The following JUP variants were observed in gnomAD, a reference collection of about 807,000 sequenced individuals.
JUP encodes catenin (cadherin-associated protein), gamma 80kDa.
Under a neutral mutation model 71.1 loss-of-function variants are expected in JUP, and 28 were observed. The observed-to-expected ratio is 0.39, with a 90% CI of 0.29 to 0.54. The LOEUF is 0.54. Ranked by LOEUF, JUP falls within the 20% of genes least tolerant of loss-of-function variation. The pLI is 0.62. For missense variants in JUP, 869 were observed against 1,030.1 expected (o/e 0.84, Z 2.14); for synonymous variants, 401 against 438.9 (o/e 0.91, Z 1.08).
intron 1 of JUP, among the ~76,000 whole-genome samples, chr17:41,773,287 C>T (rs190011348): frequency 2.6e-5 from 4 of 152,334 alleles, no homozygotes; most frequent in Admixed American, 2.6e-4. Context: ...TAAGTCTTCC[C>T]TGTGACTGCC....
In JUP at chr17:41,767,481, C is replaced by A. The variant is rs781992518; in HGVS notation, c.807G>T (p.Gly269=). ...GAKMAVRLAD[G]LQKMVPLLNK... ...TGAGCAGGGGCACCATCTTTTGCAG[C>A]CCGTCGGCCAGGCGCACGGCCATCT... The change falls in exon 5 of 14, where the codon GGG becomes GGT. Residue 269 remains glycine (G), a synonymous_variant. Coordinates refer to ENST00000393931, the MANE Select transcript of JUP (RefSeq NM_002230.4). 1.1e-5 allele frequency: 17 copies of A among 1,613,958 alleles called. No individual in the cohort carries two copies. The highest frequency in any genetic ancestry group is 1.4e-5 in the Non-Finnish European group (16 of 1,180,032).
intron 12 of JUP, among the ~76,000 whole-genome samples, chr17:41,757,055 C>G (rs1913932431): frequency 6.6e-6 from 1 of 152,192 alleles, no homozygotes; most frequent in African/African-American, 2.4e-5. Flanking sequence ...ACTCATGAAG[C>G]AGGGACTCCT....
chr17:41,755,192 G>T lies in JUP; in HGVS notation c.*552C>A. 1 of 398,276 alleles carries T rather than the reference G, an allele frequency of 2.5e-6. No individual in the cohort carries two copies. The highest frequency in any genetic ancestry group is 1.4e-4 in the South Asian group (1 of 7,334). The allele number at this position is 398,276 out of a possible 1,614,324, so 24.7% of individuals were successfully genotyped here. A position where few individuals can be genotyped will look rare whatever the true frequency, so the allele number is the denominator to read the frequency against. On this transcript the variant is annotated 3_prime_UTR_variant, in exon 14 of 14. Coordinates refer to ENST00000393931, the MANE Select transcript of JUP (RefSeq NM_002230.4). ...GGGCGTTGCTGGGGGAAAACAGAATGGGTACTTGAGTCTGAAGCTTTAGTG... is the reference window on the plus strand; with the variant it reads ...GGGCGTTGCTGGGGGAAAACAGAATTGGTACTTGAGTCTGAAGCTTTAGTG...
chr17:41,767,406 G>A lies in JUP; in HGVS notation c.882C>T (p.Leu294=). 6.2e-7 allele frequency: 1 copy of A among 1,614,168 alleles called. No individual in the cohort carries two copies. The highest frequency in any genetic ancestry group is 2.2e-5 in the East Asian group (1 of 44,880). ...TGCTCTCCTGGTTGCCGTAGGCCAG[G>A]AGCTGCAGGCAGTCGGTGGTGATGG... is the stretch of plus-strand genomic sequence containing the variant. ...FLAITTDCLQ[L]LAYGNQESKL... The change falls in exon 5 of 14, where the codon CTC becomes CTT. Residue 294 remains leucine (L), a synonymous_variant. Coordinates refer to ENST00000393931, the MANE Select transcript of JUP (RefSeq NM_002230.4).
chr17:41,758,861 C>A lies in JUP; in HGVS notation c.1507G>T (p.Gly503Cys). ...NQWPLVKATI[G>C]LIRNLALCPA... ...CACAGGGCCAGATTCCTGATCAAGC[C>A]GATGGTTGCCTGGCAAAAAAAGGGG... Residue 503 changes from glycine to cysteine, a missense_variant, in exon 9 of 14, where the codon GGC becomes TGC. Coordinates refer to ENST00000393931, the MANE Select transcript of JUP (RefSeq NM_002230.4). 6.2e-7 allele frequency: 1 copy of A among 1,606,484 alleles called. No homozygotes were observed. The highest frequency in any genetic ancestry group is 8.5e-7 in the Non-Finnish European group (1 of 1,174,562).
At chr17:41,763,355 A>G in intron 7 of JUP, 34 bp from the exon 8 acceptor site, 1 of 1,520,174 alleles carries the variant, frequency 6.6e-7, no homozygotes, top group Non-Finnish European at 9.1e-7. Flanking sequence ...GGAGTCAGGG[A>G]GCAGCCAACT....
At chr17:41,773,183 C>T (rs138595059) in intron 1 of JUP, among the ~76,000 whole-genome samples, 1 of 152,332 alleles carries the variant, frequency 6.6e-6, no homozygotes, top group East Asian at 1.9e-4. Flanking sequence ...TGAAGCCAGG[C>T]AGCACCCGGG....
intron 1 of JUP, chr17:41,772,320 C>T (rs1168938997): frequency 7.0e-6 from 2 of 286,480 alleles, no homozygotes; most frequent in African/African-American, 2.2e-5. Flanking sequence ...GGAGGAGGCA[C>T]CCAAGCCATT....
intron 1 of JUP, chr17:41,772,888 G>T: frequency 1.0e-6 from 1 of 985,530 alleles, no homozygotes; most frequent in Non-Finnish European, 1.2e-6. Flanking sequence ...TCTGTGTTTG[G>T]CTCCACTGTC....
At position 41,757,800 on chromosome 17, in the gene JUP, G is replaced by A. The variant is rs371727352; in HGVS notation, c.1774-16C>T. Reference sequence around the variant, plus strand: ...AGTACAGGAGCTGGGGAGAGGGGACGTGGGAAGCAGGGGAGAGGTGGAAAG... The same window carrying A: ...AGTACAGGAGCTGGGGAGAGGGGACATGGGAAGCAGGGGAGAGGTGGAAAG... On this transcript the variant is annotated splice_polypyrimidine_tract_variant and intron_variant, in intron 10 of 13. Coordinates refer to ENST00000393931, the MANE Select transcript of JUP (RefSeq NM_002230.4). 84 of 1,598,950 alleles carry A rather than the reference G, an allele frequency of 5.3e-5. No individual in the cohort carries two copies. The highest frequency in any genetic ancestry group is 1.8e-4 in the Middle Eastern group (1 of 5,408).
intron 1 of JUP, chr17:41,773,007 C>T (rs1196832530): frequency 7.1e-6 from 7 of 985,324 alleles, no homozygotes; most frequent in African/African-American, 7.0e-5. Context: ...TGCTCATGGG[C>T]GGGTTTCAAA....
Position 41,778,554 on chromosome 17 carries a change from C to T in JUP, c.-8-6692G>A, listed in dbSNP as rs2046994718. On this transcript the variant is annotated intron_variant, in intron 1 of 13. Transcript: ENST00000393931. The stretch of plus-strand genomic sequence containing the variant: ...CAGCCTGGGCAACACAGTGAGACCC[C>T]ATCTCAAAAAAAAAAAATGTTACTA... Among the ~76,000 whole-genome samples the T allele has an allele frequency of 2.9e-5, 3 of 103,314 alleles. No individual in the cohort carries two copies. In the South Asian group the frequency reaches 9.9e-4, roughly 34 times the overall value. 67.8% of individuals were successfully genotyped at this position (103,314 alleles called of 152,430 possible).
rs543415508 is a variant in JUP at position 41,770,173 on chromosome 17, C to T, written c.209-496G>A. Among the ~76,000 whole-genome samples, 9 of 152,278 alleles carry T rather than the reference C, an allele frequency of 5.9e-5. No homozygotes were observed. The South Asian group carries it at 1.2e-3, about 21-fold the overall frequency. On this transcript the variant is annotated intron_variant, in intron 2 of 13. Coordinates refer to ENST00000393931, the MANE Select transcript of JUP (RefSeq NM_002230.4). The stretch of plus-strand genomic sequence containing the variant: ...CTAATTACACCCTCATCATCCCCAA[C>T]GGTAGCAATCCTCCCACTATACAGG...
rs149248322 is a variant in JUP, at chr17:41,763,010, G to A, written c.1470C>T (p.Asn490=). 8 of 1,614,090 alleles carry A rather than the reference G, an allele frequency of 5.0e-6. No homozygotes were observed. Among genetic ancestry groups the A allele is most frequent in the Non-Finnish European group, 6.8e-6 (8 of 1,180,020 alleles). The part of the protein sequence containing the change: ...YGIPAIVKLL[N]QPNQWPLVKA... The stretch of plus-strand genomic sequence containing the variant: ...TGACCAGTGGCCACTGGTTGGGCTG[G>A]TTGAGCAGCTTCACGATGGCTGGGA... Residue 490 remains asparagine, a synonymous_variant, in exon 8 of 14, where the codon AAC becomes AAT. Coordinates refer to ENST00000393931, the MANE Select transcript of JUP (RefSeq NM_002230.4).
intron 8 of JUP, among the ~76,000 whole-genome samples, chr17:41,760,840 CG>C (rs1194125780): frequency 6.6e-6 from 1 of 152,142 alleles, no homozygotes; most frequent in Non-Finnish European, 1.5e-5. Flanking sequence ...GGATTACAGG[CG>C]TGAGCCACTG....
chr17:41,784,221 C>T (rs190821978), intron 1 of JUP, among the ~76,000 whole-genome samples: 305 of 151,774 alleles, frequency 2.0e-3, no homozygotes, highest in African/African-American at 6.9e-3. Context: ...CGACCTTTTT[C>T]GTTCCTATGC....
At position 41,765,076 on chromosome 17, in the gene JUP, A is replaced by G. The variant is rs1915494472; in HGVS notation, c.910-9T>C. ...TTGGCCAGGATGATCAGCTATGGGT[A>G]AAGAGGGAATGAGTGTGAGATGGAC... On this transcript the variant is annotated splice_polypyrimidine_tract_variant and intron_variant, in intron 5 of 13. Transcript: ENST00000393931. The G allele has an allele frequency of 1.2e-6, 2 of 1,613,776 alleles. No homozygotes were observed. Among genetic ancestry groups the G allele is most frequent in the Non-Finnish European group, 8.5e-7 (1 of 1,179,676 alleles).
In JUP at chr17:41,769,254, C is replaced by T. The variant is rs782506476; in HGVS notation, c.469-47G>A. On this transcript the variant is annotated intron_variant, in intron 3 of 13. Coordinates refer to ENST00000393931, the MANE Select transcript of JUP (RefSeq NM_002230.4). ...GGGGACGTGAGCACTAAGGAGAGGC[C>T]GGGATACCCTTCCACAGAGCTGAGG... The T allele has an allele frequency of 4.4e-5, 69 of 1,580,842 alleles. No homozygotes were observed. The East Asian group carries it at 7.6e-4, about 17-fold the overall frequency.
chr17:41,779,632 G>GA (rs1567831546), intron 1 of JUP, among the ~76,000 whole-genome samples: 1 of 151,360 alleles, frequency 6.6e-6, no homozygotes, highest in Non-Finnish European at 1.5e-5. Context: ...CTGGCCCCCA[G>GA]TTTTTTTTAC....
Sources: allele counts gnomAD v4.1 joint callset (sites outside exome capture counted in the v4.1 genomes callset), GRCh38; gene constraint gnomAD v4.1.1; transcripts MANE v1.5; gene names NCBI Gene and HGNC (gene_info 2026-07-23, HGNC 2026-07-21).